The following ADAMTS17 variants were observed in gnomAD, a reference collection of about 807,000 sequenced individuals.
ADAMTS17 encodes ADAM metallopeptidase with thrombospondin type 1 motif 17.
ADAMTS17 carries 113 observed loss-of-function variants against 141.5 expected under a neutral mutation model. The observed-to-expected ratio is 0.80, with a 90% CI of 0.69 to 0.93. The LOEUF is 0.93. Ranked by LOEUF, ADAMTS17 falls within the 40% of genes least tolerant of loss-of-function variation. The probability of loss-of-function intolerance (pLI) is 0.00; values close to 1 mark genes in which losing one functional copy is unlikely to be tolerated. For missense variants in ADAMTS17, 1,659 were observed against 1,517.9 expected, an observed-to-expected ratio of 1.09 and a Z score of -1.54; for synonymous variants, 768 against 630.6, an observed-to-expected ratio of 1.22 and a Z score of -3.27.
At chr15:100,311,738 T>C (rs2045412283) in intron 3 of ADAMTS17, among the ~76,000 whole-genome samples, 1 of 152,142 alleles carries the variant, frequency 6.6e-6, no homozygotes, top group Non-Finnish European at 1.5e-5. Flanking sequence ...AGCTTTTCTT[T>C]CTTAATCAAG....
chr15:100,272,445 G>A (rs1264000128), intron 4 of ADAMTS17, among the ~76,000 whole-genome samples: 1 of 151,384 alleles, frequency 6.6e-6, no homozygotes, highest in East Asian at 1.9e-4. Context: ...TATTCTTTTT[G>A]ATGCTGCTGA....
At chr15:100,280,919 G>A (rs2044258454) in intron 4 of ADAMTS17, among the ~76,000 whole-genome samples, 1 of 152,186 alleles carries the variant, frequency 6.6e-6, no homozygotes, top group South Asian at 2.1e-4. Context: ...GGGATTCACA[G>A]GACTTTGCCG....
In ADAMTS17 at chr15:100,003,169, G is replaced by T. The variant is rs80117679; in HGVS notation, c.2592-5580C>A. Among the ~76,000 whole-genome samples the T allele has an allele frequency of 9.8e-3, 1,489 of 152,176 alleles. 54 individuals are homozygous for T. Among genetic ancestry groups the T allele is most frequent in the African/African-American group, 0.034 (1,428 of 41,438 alleles). On this transcript the variant is annotated intron_variant, in intron 18 of 21. Coordinates refer to ENST00000268070, the MANE Select transcript of ADAMTS17 (RefSeq NM_139057.4). The stretch of plus-strand genomic sequence containing the variant: ...CCTCGAGTCTCCCCATAAGAGAGGA[G>T]CACAAATGCACTCACGACCATGGGT...
intron 8 of ADAMTS17, chr15:100,168,425 C>A (rs747300362): frequency 6.6e-6 from 1 of 152,156 alleles, no homozygotes; most frequent in African/African-American, 2.4e-5. Flanking sequence ...GGAAACAGGG[C>A]GATTTGGTGA....
chr15:100,116,146 A>C lies in ADAMTS17; in HGVS notation c.1888+701T>G, dbSNP rs201954001. ...ACAGTTTTAGGTAAAAAAAAAAAAA[A>C]AAAAAAAAAAAACCCAACAACCCTG... On this transcript the variant is annotated intron_variant, in intron 13 of 21. Coordinates refer to ENST00000268070, the MANE Select transcript of ADAMTS17 (RefSeq NM_139057.4). Among the ~76,000 whole-genome samples, 135 of 149,864 alleles carry C rather than the reference A, an allele frequency of 9.0e-4. No homozygotes were observed. The East Asian group carries it at 0.016, about 18-fold the overall frequency.
chr15:100,228,634 C>T lies in ADAMTS17; in HGVS notation c.1075+25502G>A, dbSNP rs1479367851. The stretch of plus-strand genomic sequence containing the variant: ...TGAGAGACCACGAGAGAGCGCTGAA[C>T]AGACACAGGCAGGTGAGGGCATGAA... On this transcript the variant is annotated intron_variant, in intron 7 of 21. Transcript: ENST00000268070. 5.9e-5 allele frequency among the ~76,000 whole-genome samples: 9 copies of T among 152,228 alleles called. No individual in the cohort carries two copies. The East Asian group carries it at 1.7e-3, about 29-fold the overall frequency.
intron 10 of ADAMTS17, among the ~76,000 whole-genome samples, chr15:100,151,826 A>T (rs962437161): frequency 6.6e-6 from 1 of 152,150 alleles, no homozygotes; most frequent in African/African-American, 2.4e-5. Context: ...GGGTACCCAC[A>T]TGCCCCTCTT....
intron 15 of ADAMTS17, among the ~76,000 whole-genome samples, chr15:100,066,060 C>A (rs934236330): frequency 6.6e-6 from 1 of 152,148 alleles, no homozygotes; most frequent in Admixed American, 6.5e-5. Flanking sequence ...TGAACTCATT[C>A]TTTTTTATGG....
At chr15:100,045,242 T>G (rs1596293911) in intron 18 of ADAMTS17, among the ~76,000 whole-genome samples, 1 of 152,340 alleles carries the variant, frequency 6.6e-6, no homozygotes, top group Non-Finnish European at 1.5e-5. Flanking sequence ...CGTTAAAAAT[T>G]AAGATATTTT....
intron 20 of ADAMTS17, among the ~76,000 whole-genome samples, chr15:99,987,765 G>A (rs2060619325): frequency 6.6e-6 from 1 of 152,236 alleles, no homozygotes; most frequent in Non-Finnish European, 1.5e-5. Context: ...AGAGAAGGCA[G>A]AGAGGGAAAA....
At chr15:100,320,429 G>A (rs2045697571) in intron 3 of ADAMTS17, among the ~76,000 whole-genome samples, 1 of 152,132 alleles carries the variant, frequency 6.6e-6, no homozygotes, top group Non-Finnish European at 1.5e-5. Context: ...AAAATCAGAG[G>A]GGCAGAGGAC....
chr15:100,318,734 G>T (rs1000910254), intron 3 of ADAMTS17, among the ~76,000 whole-genome samples: 2 of 152,186 alleles, frequency 1.3e-5, no homozygotes, highest in East Asian at 1.9e-4. Flanking sequence ...GAAATCTCAC[G>T]CCTGTAAGTG....
intron 7 of ADAMTS17, among the ~76,000 whole-genome samples, chr15:100,228,928 C>T (rs1346549398): frequency 6.6e-6 from 1 of 152,218 alleles, no homozygotes; most frequent in Non-Finnish European, 1.5e-5. Context: ...CCCTGCGGTC[C>T]TGTCTGTGAC....
At chr15:100,335,851 CCAAA>C (rs113197438) in intron 2 of ADAMTS17, among the ~76,000 whole-genome samples, 17,400 of 152,190 alleles carry the variant, frequency 0.11, 1,435 homozygotes, top group East Asian at 0.29. Flanking sequence ...CTCCAAATGG[CCAAA>C]CAGTTTCATT....
chr15:100,234,966 G>C (rs547695757), intron 7 of ADAMTS17, among the ~76,000 whole-genome samples: 1 of 152,186 alleles, frequency 6.6e-6, no homozygotes, highest in African/African-American at 2.4e-5. Context: ...GAACATGAGG[G>C]AAGAGGCATG....
At chr15:100,245,470 T>C (rs1374552561) in intron 7 of ADAMTS17, among the ~76,000 whole-genome samples, 4 of 152,248 alleles carry the variant, frequency 2.6e-5, no homozygotes, top group Non-Finnish European at 5.9e-5. Context: ...TGTTGGTCTC[T>C]GTCTAGTTCC....
intron 14 of ADAMTS17, among the ~76,000 whole-genome samples, chr15:100,098,658 G>A (rs1000502003): frequency 9.5e-5 from 10 of 104,784 alleles, no homozygotes; most frequent in East Asian, 5.1e-4. Flanking sequence ...GCAAGAGTCC[G>A]TCTCAAAAAA....
intron 15 of ADAMTS17, among the ~76,000 whole-genome samples, chr15:100,073,209 T>G (rs902136522): frequency 1.2e-4 from 18 of 152,036 alleles, no homozygotes; most frequent in Non-Finnish European, 2.4e-4. Flanking sequence ...AAAACCACAA[T>G]GAGATACCAT....
At chr15:100,131,513 G>C (rs1596514307) in intron 12 of ADAMTS17, among the ~76,000 whole-genome samples, 1 of 152,238 alleles carries the variant, frequency 6.6e-6, no homozygotes, top group East Asian at 1.9e-4. Flanking sequence ...GGTGTCATTA[G>C]AGTCAATAAA....
Sources: allele counts gnomAD v4.1 joint callset (sites outside exome capture counted in the v4.1 genomes callset), GRCh38; gene constraint gnomAD v4.1.1; transcripts MANE v1.5; gene names NCBI Gene and HGNC (gene_info 2026-07-23, HGNC 2026-07-21).